SENP1: variants seen among roughly 807,000 people sequenced by gnomAD.
The protein encoded by SENP1 is SUMO specific peptidase 1.
Under a neutral mutation model 93.0 loss-of-function variants are expected in SENP1, and 21 were observed. The ratio of observed to expected loss-of-function variants is 0.23; its 90% CI spans 0.16 to 0.33. The LOEUF is 0.33. Ranked by LOEUF, SENP1 falls within the 10% of genes least tolerant of loss-of-function variation. The pLI, the probability that SENP1 is intolerant of heterozygous loss-of-function variation, is 1.00. For synonymous variants in SENP1, 256 were observed against 259.6 expected (o/e 0.99, Z 0.13); for missense variants, 591 against 758.7 (o/e 0.78, Z 2.60).
At position 48,044,796 on chromosome 12, in the gene SENP1, A is replaced by G. The variant is rs1241204100; in HGVS notation, c.*526T>C. ...AGGAAGGGACTTATGCCTGGGCCCC[A>G]AAGTCCAGTTTACAGTCACATTCCT... is the stretch of plus-strand genomic sequence containing the variant. On this transcript the variant is annotated 3_prime_UTR_variant, in exon 18 of 18. Coordinates refer to ENST00000549518, the MANE Select transcript of SENP1 (RefSeq NM_001267594.2). The G allele has an allele frequency of 6.4e-6, 1 of 155,508 alleles. No individual in the cohort carries two copies. The highest frequency in any genetic ancestry group is 1.4e-5 in the Non-Finnish European group (1 of 69,656). 9.6% of individuals were successfully genotyped at this position (155,508 alleles called of 1,614,324 possible).
intron 13 of SENP1, among the ~76,000 whole-genome samples, chr12:48,059,952 C>A (rs1942846869): frequency 6.6e-6 from 1 of 152,088 alleles, no homozygotes; most frequent in Admixed American, 6.6e-5. Context: ...ACTGCTGATT[C>A]CTTCTTTCTG....
At chr12:48,090,784 G>A (rs1250658133) in intron 4 of SENP1, among the ~76,000 whole-genome samples, 3 of 152,114 alleles carry the variant, frequency 2.0e-5, no homozygotes, top group Non-Finnish European at 4.4e-5. Flanking sequence ...GTTTTGGAGA[G>A]GGAGGGTTTC....
intron 9 of SENP1, among the ~76,000 whole-genome samples, chr12:48,068,667 T>C (rs945733128): frequency 6.6e-6 from 1 of 152,010 alleles, no homozygotes; most frequent in African/African-American, 2.4e-5. Flanking sequence ...ATCTAGGAAA[T>C]TCATTTGTTT....
At chr12:48,067,487 A>G (rs1424510202) in intron 9 of SENP1, among the ~76,000 whole-genome samples, 1 of 152,232 alleles carries the variant, frequency 6.6e-6, no homozygotes, top group Non-Finnish European at 1.5e-5. Context: ...AACCCAAGTG[A>G]TATGCTGAGC....
chr12:48,093,323 G>A (rs1315603444), intron 4 of SENP1, among the ~76,000 whole-genome samples: 5 of 138,150 alleles, frequency 3.6e-5, no homozygotes, highest in African/African-American at 8.2e-5. Flanking sequence ...TCACTGTGTC[G>A]CCCAGGATGG....
chr12:48,046,136 C>T (rs1406576297), intron 17 of SENP1, among the ~76,000 whole-genome samples: 1 of 152,206 alleles, frequency 6.6e-6, no homozygotes, highest in East Asian at 1.9e-4. Flanking sequence ...ACCTTTACTA[C>T]AATAACTGAG....
intron 15 of SENP1, among the ~76,000 whole-genome samples, chr12:48,047,425 G>A (rs769303699): frequency 6.6e-6 from 1 of 152,062 alleles, no homozygotes; most frequent in Non-Finnish European, 1.5e-5. Flanking sequence ...TGTTTTTCTG[G>A]TACTATTGAG....
chr12:48,093,834 C>T (rs1250018150), intron 4 of SENP1, among the ~76,000 whole-genome samples: 2 of 151,908 alleles, frequency 1.3e-5, no homozygotes, highest in Non-Finnish European at 2.9e-5. Flanking sequence ...GGCATGCTGG[C>T]ATGCACTGGT....
chr12:48,079,341 T>C (rs1445090938), intron 6 of SENP1, among the ~76,000 whole-genome samples: 1 of 151,162 alleles, frequency 6.6e-6, no homozygotes, highest in African/African-American at 2.4e-5. Flanking sequence ...CTACTGAAAA[T>C]ACAAAAAATT....
At chr12:48,067,225 C>T (rs1592355107) in intron 9 of SENP1, among the ~76,000 whole-genome samples, 1 of 152,312 alleles carries the variant, frequency 6.6e-6, no homozygotes, top group East Asian at 1.9e-4. Flanking sequence ...AGAGATACTA[C>T]ATTTGGCATA....
chr12:48,049,106 C>T lies in SENP1; in HGVS notation c.1434G>A (p.Leu478=), dbSNP rs1177335074. 6.2e-7 allele frequency: 1 copy of T among 1,613,398 alleles called. No individual in the cohort carries two copies. Among genetic ancestry groups the T allele is most frequent in the Non-Finnish European group, 8.5e-7 (1 of 1,179,480 alleles). Residue 478 remains leucine, a synonymous_variant, in exon 14 of 18, where the codon CTG becomes CTA. Coordinates refer to ENST00000549518, the MANE Select transcript of SENP1 (RefSeq NM_001267594.2). ...DEIINFYMNM[L]MERSKEKGLP... ...AGCCCTTCTCTTTACTTCGCTCCAT[C>T]AGCATATTCATGTAGAAATTGATGA...
intron 3 of SENP1, among the ~76,000 whole-genome samples, chr12:48,097,182 T>C (rs1347060083): frequency 6.6e-6 from 1 of 152,188 alleles, no homozygotes; most frequent in Non-Finnish European, 1.5e-5. Context: ...TTATAACACA[T>C]ATTAAAAAGG....
intron 13 of SENP1, among the ~76,000 whole-genome samples, chr12:48,051,667 A>T (rs1418306706): frequency 5.3e-5 from 8 of 152,222 alleles, no homozygotes; most frequent in African/African-American, 1.7e-4. Context: ...GCTGAAGATG[A>T]AGGAAAAAGA....
intron 13 of SENP1, among the ~76,000 whole-genome samples, chr12:48,057,324 A>C (rs1417239480): frequency 1.4e-5 from 2 of 146,986 alleles, no homozygotes; most frequent in Non-Finnish European, 3.0e-5. Flanking sequence ...CCACCTCCCA[A>C]GTTCAAGCGA....
chr12:48,045,057 C>G lies in SENP1; in HGVS notation c.*265G>C. 2.2e-6 allele frequency: 1 copy of G among 446,206 alleles called. No individual in the cohort carries two copies. The highest frequency in any genetic ancestry group is 5.6e-5 in the South Asian group (1 of 17,854). 27.6% of individuals were successfully genotyped at this position (446,206 alleles called of 1,614,324 possible). On this transcript the variant is annotated 3_prime_UTR_variant, in exon 18 of 18. Transcript: ENST00000549518. The stretch of plus-strand genomic sequence containing the variant: ...GCCCTTTGAAAACAAGATGGCAGAA[C>G]TGAAGAAGTGAAAAGCAGTCTCTCT...
rs35521150 is a variant in SENP1 at position 48,044,357 on chromosome 12, C to CATATATATATATAT, written c.*951_*964dup. 2 of 138,580 alleles carry CATATATATATATAT rather than the reference C, an allele frequency of 1.4e-5. No individual in the cohort carries two copies. Among genetic ancestry groups the CATATATATATATAT allele is most frequent in the African/African-American group, 2.7e-5 (1 of 37,552 alleles). 8.6% of individuals were successfully genotyped at this position (138,580 alleles called of 1,614,324 possible). A position where few individuals can be genotyped will look rare whatever the true frequency, so the allele number is the denominator to read the frequency against. On this transcript the variant is annotated 3_prime_UTR_variant, in exon 18 of 18. Transcript: ENST00000549518. ...ATATCCCTGTGAAATTTTATACATACATATATATATATATATATGTATGTG... is the reference window on the plus strand; with the variant it reads ...ATATCCCTGTGAAATTTTATACATACATATATATATATATATATATATATATATATATGTATGTG...
At chr12:48,064,411 T>G (rs888554613) in intron 12 of SENP1, among the ~76,000 whole-genome samples, 1 of 152,154 alleles carries the variant, frequency 6.6e-6, no homozygotes, top group Non-Finnish European at 1.5e-5. Flanking sequence ...TTTTCCAAAT[T>G]TTCTATAATG....
intron 13 of SENP1, among the ~76,000 whole-genome samples, chr12:48,056,714 CAT>C (rs1942456134): frequency 1.1e-5 from 1 of 87,396 alleles, no homozygotes; most frequent in Non-Finnish European, 1.9e-5. Context: ...TTACATATTA[CAT>C]ATATAAATAT....
At chr12:48,076,167 T>C (rs1345975269) in intron 6 of SENP1, among the ~76,000 whole-genome samples, 2 of 152,264 alleles carry the variant, frequency 1.3e-5, no homozygotes, top group South Asian at 4.1e-4. Context: ...TTTAATCTTA[T>C]ATACAGTTTA....
Sources: allele counts gnomAD v4.1 joint callset (sites outside exome capture counted in the v4.1 genomes callset), GRCh38; gene constraint gnomAD v4.1.1; transcripts MANE v1.5; gene names NCBI Gene and HGNC (gene_info 2026-07-23, HGNC 2026-07-21).